The following AMBRA1 variants were observed in gnomAD, a reference collection of about 807,000 sequenced individuals.
AMBRA1 encodes the protein autophagy and beclin 1 regulator 1.
In AMBRA1, 47 loss-of-function variants were observed where a neutral mutation model predicts 125.4. That is an observed-to-expected ratio of 0.37 (90% CI 0.30 to 0.48). The LOEUF is 0.48. Ranked by LOEUF, AMBRA1 falls within the 20% of genes least tolerant of loss-of-function variation. The pLI is 0.99. For synonymous variants in AMBRA1, 626 were observed against 655.5 expected (o/e 0.95, Z 0.69); for missense variants, 1,331 against 1,693.4 (o/e 0.79, Z 3.76).
intron 17 of AMBRA1, among the ~76,000 whole-genome samples, chr11:46,403,134 G>A (rs1945843745): frequency 6.6e-6 from 1 of 152,202 alleles, no homozygotes; most frequent in Non-Finnish European, 1.5e-5. Flanking sequence ...AAGTCCTAAG[G>A]TACACTCTAG....
At position 46,467,325 on chromosome 11, in the gene AMBRA1, T is replaced by C. The variant is rs753926346; in HGVS notation, c.2522-23727A>G. 2.0e-5 allele frequency among the ~76,000 whole-genome samples: 3 copies of C among 152,290 alleles called. No individual in the cohort carries two copies. The South Asian group carries it at 6.2e-4, about 32-fold the overall frequency. ...ATCCTTCCAAAATAGTTACATCCCA[T>C]GTTTGGGTTAATGTAAATTATTTAC... is the stretch of plus-strand genomic sequence containing the variant. On this transcript the variant is annotated intron_variant, in intron 11 of 17. Transcript: ENST00000683756.
intron 15 of AMBRA1, among the ~76,000 whole-genome samples, chr11:46,412,800 G>A (rs1590736329): frequency 6.6e-6 from 1 of 152,188 alleles, no homozygotes; most frequent in Non-Finnish European, 1.5e-5. Flanking sequence ...CTTACATTAT[G>A]CAAGAGGTAA....
chr11:46,496,301 G>A (rs1224336049), intron 9 of AMBRA1, among the ~76,000 whole-genome samples: 1 of 152,138 alleles, frequency 6.6e-6, no homozygotes, highest in African/African-American at 2.4e-5. Context: ...AGAATCCCTT[G>A]AACCCAGGAG....
chr11:46,568,777 A>T (rs1810812292), intron 1 of AMBRA1, among the ~76,000 whole-genome samples: 1 of 150,934 alleles, frequency 6.6e-6, no homozygotes, highest in Admixed American at 6.6e-5. Context: ...CATCTCAAAA[A>T]AAAAAAAAGG....
chr11:46,443,567 C>A lies in AMBRA1; in HGVS notation c.2553G>T (p.Val851=), dbSNP rs1360433675. The part of the protein sequence containing the change: ...GAVIGDGQSA[V]ASNIANTTYR... Reference sequence around the variant, plus strand: ...AGGTAGTATTGGCAATGTTACTGGCCACAGCAGACTGTCCATCACCGATCA... The same window carrying A: ...AGGTAGTATTGGCAATGTTACTGGCAACAGCAGACTGTCCATCACCGATCA... The change falls in exon 12 of 18, where the codon GTG becomes GTT. Residue 851 remains valine (V), a synonymous_variant. Transcript: ENST00000683756. The A allele has an allele frequency of 6.2e-7, 1 of 1,614,134 alleles. No individual in the cohort carries two copies. The highest frequency in any genetic ancestry group is 2.2e-5 in the East Asian group (1 of 44,880).
intron 14 of AMBRA1, among the ~76,000 whole-genome samples, chr11:46,427,544 TAA>T: frequency 6.6e-6 from 1 of 152,320 alleles, no homozygotes. Context: ...GAAGGCTTGT[TAA>T]AACACACATG....
chr11:46,407,844 G>A (rs1565124412), intron 17 of AMBRA1, among the ~76,000 whole-genome samples: 2 of 152,264 alleles, frequency 1.3e-5, no homozygotes, highest in East Asian at 3.9e-4. Flanking sequence ...GGATCAGCAA[G>A]GGGGCTGGAG....
At position 46,440,750 on chromosome 11, in the gene AMBRA1, A is replaced by G. The variant is rs538821968; in HGVS notation, c.2632+2738T>C. 2.6e-5 allele frequency among the ~76,000 whole-genome samples: 4 copies of G among 152,330 alleles called. No homozygotes were observed. In the South Asian group the frequency reaches 8.3e-4, roughly 32 times the overall value. Reference sequence around the variant, plus strand: ...GTGGCCTATAAGCACTTAGAAATAGATGGTTGCTGCTGAAGTTTCATTGAG... The same window carrying G: ...GTGGCCTATAAGCACTTAGAAATAGGTGGTTGCTGCTGAAGTTTCATTGAG... On this transcript the variant is annotated intron_variant, in intron 12 of 17. Coordinates refer to ENST00000683756, the MANE Select transcript of AMBRA1 (RefSeq NM_001387011.1).
intron 1 of AMBRA1, among the ~76,000 whole-genome samples, chr11:46,574,200 G>C (rs1384571732): frequency 6.9e-6 from 1 of 145,044 alleles, no homozygotes; most frequent in East Asian, 2.0e-4. Flanking sequence ...ATGGCTGGGT[G>C]AAATGGTATT....
At chr11:46,501,840 T>TAACTCTTATG (rs1478450763) in intron 9 of AMBRA1, among the ~76,000 whole-genome samples, 1 of 152,244 alleles carries the variant, frequency 6.6e-6, no homozygotes, top group African/African-American at 2.4e-5. Flanking sequence ...CACAGGAACT[T>TAACTCTTATG]AACTCTTGTT....
chr11:46,522,033 G>A (rs1785667962), intron 7 of AMBRA1, among the ~76,000 whole-genome samples: 2 of 152,170 alleles, frequency 1.3e-5, no homozygotes, highest in Admixed American at 6.5e-5. Flanking sequence ...GGCAGTGAGC[G>A]ATAGATGGCA....
intron 11 of AMBRA1, among the ~76,000 whole-genome samples, chr11:46,455,711 A>G (rs1162731239): frequency 1.3e-5 from 2 of 152,234 alleles, no homozygotes; most frequent in Non-Finnish European, 2.9e-5. Context: ...TCCCTAATTC[A>G]GTAATAATCC....
Position 46,397,078 on chromosome 11 carries a change from T to C in AMBRA1, c.*372A>G, listed in dbSNP as rs2136564353. The stretch of plus-strand genomic sequence containing the variant: ...CTGCCTCGCGGGCCTCTGTCCAGGA[T>C]GATTGGCCCAGATCTGGAAGACTGT... On this transcript the variant is annotated 3_prime_UTR_variant, in exon 18 of 18. Coordinates refer to ENST00000683756, the MANE Select transcript of AMBRA1 (RefSeq NM_001387011.1). 1 of 177,476 alleles carries C rather than the reference T, an allele frequency of 5.6e-6. No individual in the cohort carries two copies. The highest frequency in any genetic ancestry group is 1.5e-4 in the East Asian group (1 of 6,616). 11.0% of individuals were successfully genotyped at this position (177,476 alleles called of 1,614,324 possible).
chr11:46,540,112 G>A (rs751035832), intron 7 of AMBRA1, among the ~76,000 whole-genome samples: 19 of 152,178 alleles, frequency 1.2e-4, no homozygotes, highest in Admixed American at 5.9e-4. Flanking sequence ...GATGACAGGC[G>A]TGAGCCACCG....
At chr11:46,540,115 AGCCACCGT>A (rs1952665937) in intron 7 of AMBRA1, among the ~76,000 whole-genome samples, 1 of 152,198 alleles carries the variant, frequency 6.6e-6, no homozygotes, top group Non-Finnish European at 1.5e-5. Flanking sequence ...GACAGGCGTG[AGCCACCGT>A]GCCCGGCAGT....
chr11:46,467,014 T>A (rs1045943915), intron 11 of AMBRA1, among the ~76,000 whole-genome samples: 2 of 151,794 alleles, frequency 1.3e-5, no homozygotes, highest in Non-Finnish European at 2.9e-5. Context: ...ACCTCCCGGA[T>A]CCAGGCGATT....
intron 7 of AMBRA1, among the ~76,000 whole-genome samples, chr11:46,517,109 T>C (rs1032472581): frequency 2.0e-5 from 3 of 151,500 alleles, no homozygotes; most frequent in Non-Finnish European, 2.9e-5. Flanking sequence ...TTCTGCTATA[T>C]AATATATAAT....
chr11:46,512,684 C>T (rs768861542), intron 8 of AMBRA1, 43 bp downstream of exon 8: 36 of 1,560,552 alleles, frequency 2.3e-5, no homozygotes, highest in East Asian at 4.5e-5. Context: ...CCCCAAGGGC[C>T]GCCCCTCCCC....
chr11:46,497,243 G>A (rs1258858141), intron 9 of AMBRA1, among the ~76,000 whole-genome samples: 2 of 152,108 alleles, frequency 1.3e-5, no homozygotes, highest in African/African-American at 2.4e-5. Flanking sequence ...GCAAAATATG[G>A]TCAGAGATAA....
Sources: allele counts gnomAD v4.1 joint callset (sites outside exome capture counted in the v4.1 genomes callset), GRCh38; gene constraint gnomAD v4.1.1; transcripts MANE v1.5; gene names NCBI Gene and HGNC (gene_info 2026-07-23, HGNC 2026-07-21).